ARHGAP44: variants seen among roughly 807,000 people sequenced by gnomAD.
The protein encoded by ARHGAP44 is rho GTPase-activating protein 44.
Under a neutral mutation model 106.8 loss-of-function variants are expected in ARHGAP44, and 43 were observed. The observed-to-expected ratio is 0.40, with a 90% CI of 0.32 to 0.52. ARHGAP44 has a LOEUF of 0.52. Ranked by LOEUF, ARHGAP44 falls within the 20% of genes least tolerant of loss-of-function variation. The probability of loss-of-function intolerance (pLI) is 0.48; values close to 1 mark genes in which losing one functional copy is unlikely to be tolerated. For synonymous variants in ARHGAP44, 439 were observed against 410.3 expected, an observed-to-expected ratio of 1.07 and a Z score of -0.85; for missense variants, 866 against 1,050.5, an observed-to-expected ratio of 0.82 and a Z score of 2.43.
intron 1 of ARHGAP44, among the ~76,000 whole-genome samples, chr17:12,894,682 G>C (rs764161714): frequency 1.3e-5 from 2 of 151,544 alleles, no homozygotes; most frequent in Non-Finnish European, 2.9e-5. Context: ...TGGAAACAAA[G>C]GCATACATTT....
intron 4 of ARHGAP44, among the ~76,000 whole-genome samples, chr17:12,911,431 T>A (rs1421021203): frequency 1.3e-5 from 2 of 152,114 alleles, no homozygotes; most frequent in Non-Finnish European, 2.9e-5. Context: ...GGGAACTAAC[T>A]TGGCAAGTCC....
Position 12,990,490 on chromosome 17 carries a change from C to A in ARHGAP44, c.*319C>A. On this transcript the variant is annotated 3_prime_UTR_variant, in exon 21 of 21. Transcript: ENST00000379672. ...CTCTCCATCCAAGGCTGGTCAGGAA[C>A]GTCCTTTGCAGGGTCGGGGTGGTGC... 1 of 282,624 alleles carries A rather than the reference C, an allele frequency of 3.5e-6. No homozygotes were observed. The highest frequency in any genetic ancestry group is 7.1e-6 in the Non-Finnish European group (1 of 140,276). The allele number at this position is 282,624 out of a possible 1,614,324, so 17.5% of individuals were successfully genotyped here. A position where few individuals can be genotyped will look rare whatever the true frequency, so the allele number is the denominator to read the frequency against.
intron 7 of ARHGAP44, among the ~76,000 whole-genome samples, chr17:12,931,916 A>G (rs1309256899): frequency 6.6e-6 from 1 of 151,708 alleles, no homozygotes; most frequent in East Asian, 1.9e-4. Context: ...CTATTAATGG[A>G]TGTTCAAACT....
chr17:12,956,773 G>C (rs746670641), intron 15 of ARHGAP44, 27 bp downstream of exon 15: 4 of 1,598,674 alleles, frequency 2.5e-6, no homozygotes, highest in Admixed American at 1.7e-5. Context: ...AGGTGTGGGG[G>C]CAAGAGGCAG....
intron 5 of ARHGAP44, 108 bp downstream of exon 5, chr17:12,916,119 C>A (rs1043036002): frequency 2.4e-5 from 21 of 867,670 alleles, no homozygotes; most frequent in Non-Finnish European, 3.6e-5. Flanking sequence ...AACCTTCTCC[C>A]CAACATTGTT....
intron 1 of ARHGAP44, among the ~76,000 whole-genome samples, chr17:12,876,375 G>A (rs1185222908): frequency 1.3e-5 from 2 of 152,064 alleles, no homozygotes; most frequent in African/African-American, 4.8e-5. Flanking sequence ...CCCATGTGGC[G>A]CTACCTGCTG....
At chr17:12,850,120 G>T (rs551558051) in intron 1 of ARHGAP44, among the ~76,000 whole-genome samples, 48 of 152,288 alleles carry the variant, frequency 3.2e-4, no homozygotes, top group Non-Finnish European at 6.3e-4. Context: ...AGTATACCTA[G>T]AAAATGATCA....
intron 1 of ARHGAP44, among the ~76,000 whole-genome samples, chr17:12,854,697 G>C (rs1354233585): frequency 1.3e-5 from 2 of 152,168 alleles, no homozygotes; most frequent in African/African-American, 4.8e-5. Context: ...GGTGGCTCAT[G>C]CCTGTAATCC....
chr17:12,835,113 A>T (rs1280608408), intron 1 of ARHGAP44, among the ~76,000 whole-genome samples: 1 of 152,196 alleles, frequency 6.6e-6, no homozygotes, highest in Non-Finnish European at 1.5e-5. Context: ...AGAACATCCC[A>T]TAGAAACCCT....
At chr17:12,973,412 G>A (rs1470546388) in intron 17 of ARHGAP44, 93 bp downstream of exon 17, 17 of 1,354,752 alleles carry the variant, frequency 1.3e-5, no homozygotes, top group South Asian at 2.6e-5. Context: ...GGGTGAATGC[G>A]CCGCGTCTGG....
chr17:12,863,601 A>G (rs1366843804), intron 1 of ARHGAP44, among the ~76,000 whole-genome samples: 1 of 152,160 alleles, frequency 6.6e-6, no homozygotes, highest in Non-Finnish European at 1.5e-5. Flanking sequence ...ACCTGGAGAC[A>G]ATACTAAATT....
In ARHGAP44 at chr17:12,949,868, G is replaced by C; in HGVS notation, c.1055+138G>C. The C allele has an allele frequency of 1.3e-6, 1 of 787,234 alleles. No homozygotes were observed. Among genetic ancestry groups the C allele is most frequent in the Non-Finnish European group, 2.0e-6 (1 of 497,410 alleles). 48.8% of individuals were successfully genotyped at this position (787,234 alleles called of 1,614,324 possible). ...GCCATGAAGGAGTGCTTATACATTT[G>C]CCCAAGGAGGCAGGTCCAGGGATAT... On this transcript the variant is annotated intron_variant, in intron 12 of 20. Coordinates refer to ENST00000379672, the MANE Select transcript of ARHGAP44 (RefSeq NM_014859.6). This position sits in a 1 kb window ranked among gnomAD's most constrained non-coding sequence, Gnocchi z 4.1.
chr17:12,877,645 G>A (rs369630374), intron 1 of ARHGAP44, among the ~76,000 whole-genome samples: 1 of 152,100 alleles, frequency 6.6e-6, no homozygotes, highest in Non-Finnish European at 1.5e-5. Context: ...AGCTACTCGG[G>A]AGGCTGAGGC....
chr17:12,879,157 C>G (rs765259174), intron 1 of ARHGAP44, among the ~76,000 whole-genome samples: 3 of 152,152 alleles, frequency 2.0e-5, no homozygotes, highest in Non-Finnish European at 4.4e-5. Flanking sequence ...CCCAAGTCCC[C>G]AAAGTCCTTC....
chr17:12,982,700 A>C (rs2039861486), intron 19 of ARHGAP44: 1 of 152,228 alleles, frequency 6.6e-6, no homozygotes, highest in Non-Finnish European at 1.5e-5. Context: ...CTGCAGAGAA[A>C]ATCTTTTTCC....
At chr17:12,928,423 C>A (rs910515604) in intron 6 of ARHGAP44, among the ~76,000 whole-genome samples, 1 of 152,070 alleles carries the variant, frequency 6.6e-6, no homozygotes, top group African/African-American at 2.4e-5. Flanking sequence ...ACTATAATCA[C>A]CCTGATTAAA....
intron 3 of ARHGAP44, among the ~76,000 whole-genome samples, chr17:12,904,749 G>A (rs908468635): frequency 2.6e-5 from 4 of 152,178 alleles, no homozygotes; most frequent in African/African-American, 9.7e-5. Flanking sequence ...GCACACACAT[G>A]TATGTATAAT....
chr17:12,948,752 C>CACACA (rs1221163562), intron 10 of ARHGAP44, among the ~76,000 whole-genome samples: 3,497 of 140,830 alleles, frequency 0.025, 144 homozygotes, highest in South Asian at 0.079. Flanking sequence ...ACACACACAC[C>CACACA]CCCTGTAGAC....
At chr17:12,863,053 T>C (rs1235398263) in intron 1 of ARHGAP44, among the ~76,000 whole-genome samples, 3 of 151,822 alleles carry the variant, frequency 2.0e-5, no homozygotes, top group African/African-American at 7.3e-5. Flanking sequence ...TTTGGGAGGC[T>C]GAGGCAGGAG....
Sources: allele counts gnomAD v4.1 joint callset (sites outside exome capture counted in the v4.1 genomes callset), GRCh38; gene constraint gnomAD v4.1.1; non-coding constraint Gnocchi (gnomAD v3.1); transcripts MANE v1.5; gene names NCBI Gene and HGNC (gene_info 2026-07-23, HGNC 2026-07-21).